Variants in POLA2 observed in about 807,000 individuals in gnomAD.
POLA2 encodes DNA polymerase alpha subunit B.
A neutral mutation model predicts 82.8 loss-of-function variants in POLA2; 47 were observed. The ratio of observed to expected loss-of-function variants is 0.57; its 90% CI spans 0.45 to 0.72. POLA2 has a LOEUF of 0.72. POLA2 is among the 30% of genes least tolerant of loss of function. The pLI, the probability that POLA2 is intolerant of heterozygous loss-of-function variation, is 0.00. For synonymous variants in POLA2, 287 were observed against 286.8 expected (o/e 1.00, Z -0.01); for missense variants, 634 against 728.1 (o/e 0.87, Z 1.49).
At chr11:65,273,682 C>G (rs1200174654) in intron 4 of POLA2, among the ~76,000 whole-genome samples, 1 of 151,514 alleles carries the variant, frequency 6.6e-6, no homozygotes, top group Non-Finnish European at 1.5e-5. Context: ...AAAATAAAGG[C>G]AGGGTGTCAC....
chr11:65,278,779 G>C lies in POLA2; in HGVS notation c.511G>C (p.Val171Leu), dbSNP rs759859941. Residue 171 changes from valine (V) to leucine (L), a missense_variant, in exon 6 of 18, where the codon GTT becomes CTT. Transcript: ENST00000265465. ...CTCACGAAGTAACCGAGGAGAAGTG[G>C]TTACCTCCTTCGGCTTAGCACAGGG... Reference protein sequence around the residue: ...YNSRSNRGEVVTSFGLAQGVS... With the variant: ...YNSRSNRGEVLTSFGLAQGVS... 2 of 1,613,862 alleles carry C rather than the reference G, an allele frequency of 1.2e-6. No individual in the cohort carries two copies. Among genetic ancestry groups the C allele is most frequent in the South Asian group, 2.2e-5 (2 of 91,068 alleles).
intron 10 of POLA2, among the ~76,000 whole-genome samples, chr11:65,286,352 C>G (rs1949697157): frequency 6.6e-6 from 1 of 152,052 alleles, no homozygotes; most frequent in Admixed American, 6.6e-5. Context: ...CCCACACCTT[C>G]AGTTTAGGAT....
At chr11:65,288,515 T>TTG (rs1555022322) in intron 11 of POLA2, among the ~76,000 whole-genome samples, 1 of 145,508 alleles carries the variant, frequency 6.9e-6, no homozygotes, top group Non-Finnish European at 1.5e-5. Flanking sequence ...GTTTTTTGTT[T>TTG]TTTTTTTTTT....
At chr11:65,284,532 C>CT (rs557117870) in intron 10 of POLA2, among the ~76,000 whole-genome samples, 5,860 of 134,188 alleles carry the variant, frequency 0.044, 120 homozygotes, top group Middle Eastern at 0.057. Flanking sequence ...TTTTTTTTTT[C>CT]TTTTTTTTTT....
intron 2 of POLA2, among the ~76,000 whole-genome samples, chr11:65,266,926 G>A (rs997872044): frequency 7.2e-5 from 11 of 152,152 alleles, no homozygotes; most frequent in African/African-American, 1.4e-4. Context: ...AATTAAATGG[G>A]GCTGGGCGCC....
At chr11:65,289,719 TG>T in intron 12 of POLA2, 79 bp from the exon 13 acceptor site, 1 of 879,334 alleles carries the variant, frequency 1.1e-6, no homozygotes, top group Non-Finnish European at 1.9e-6. Flanking sequence ...CTGACTTCTA[TG>T]GGTCACCTAA....
At chr11:65,278,417 A>C (rs530784452) in intron 5 of POLA2, among the ~76,000 whole-genome samples, 4 of 152,354 alleles carry the variant, frequency 2.6e-5, no homozygotes, top group African/African-American at 9.6e-5. Context: ...CCTTTTAATC[A>C]ATTCAGAATC....
chr11:65,274,373 GA>G (rs997829122), intron 4 of POLA2, among the ~76,000 whole-genome samples: 114 of 141,490 alleles, frequency 8.1e-4, no homozygotes, highest in Middle Eastern at 7.4e-3. Flanking sequence ...TTCCGTCTCG[GA>G]AAAAAAAAAA....
chr11:65,262,496 C>A, intron 1 of POLA2, 125 bp downstream of exon 1: 2 of 705,098 alleles, frequency 2.8e-6, no homozygotes, highest in Non-Finnish European at 4.6e-6. Context: ...TTCTCGGTGG[C>A]TGTGAGATGA....
downstream of POLA2, among the ~76,000 whole-genome samples, chr11:65,301,784 T>G (rs1037975749): frequency 2.0e-5 from 3 of 152,170 alleles, no homozygotes; most frequent in African/African-American, 7.2e-5. Context: ...CACCCATGGT[T>G]GTTCATGGCA....
chr11:65,282,717 G>A (rs950466567), intron 10 of POLA2, among the ~76,000 whole-genome samples, 196 bp downstream of exon 10: 2 of 152,186 alleles, frequency 1.3e-5, no homozygotes, highest in Non-Finnish European at 2.9e-5. Flanking sequence ...AGCGTTGGTC[G>A]TGCTGTCGCC....
intron 13 of POLA2, among the ~76,000 whole-genome samples, chr11:65,291,423 G>A (rs189047700): frequency 1.3e-5 from 2 of 152,276 alleles, no homozygotes; most frequent in African/African-American, 4.8e-5. Context: ...TCAGAGACTT[G>A]GGTTGTGCCA....
At chr11:65,274,354 G>A (rs563624050) in intron 4 of POLA2, among the ~76,000 whole-genome samples, 17 of 149,382 alleles carry the variant, frequency 1.1e-4, no homozygotes, top group South Asian at 2.1e-4. Flanking sequence ...CAACAAGAGC[G>A]AAGTGAAATT....
rs962536424 is a variant in POLA2, at chr11:65,262,163, C to T, written c.-130C>T. On this transcript the variant is annotated 5_prime_UTR_variant, in exon 1 of 18. Coordinates refer to ENST00000265465, the MANE Select transcript of POLA2 (RefSeq NM_002689.4). ...CTGAGGTCTTGCTTGGGCCAGTCACCTCCTGTCACGGTCCGCGGAGGGGGG... is the reference window on the plus strand; with the variant it reads ...CTGAGGTCTTGCTTGGGCCAGTCACTTCCTGTCACGGTCCGCGGAGGGGGG... 6 of 700,236 alleles carry T rather than the reference C, an allele frequency of 8.6e-6. No individual in the cohort carries two copies. Among genetic ancestry groups the T allele is most frequent in the Non-Finnish European group, 1.0e-5 (4 of 395,214 alleles). 43.4% of individuals were successfully genotyped at this position (700,236 alleles called of 1,614,324 possible).
At chr11:65,295,478 T>G in intron 15 of POLA2, 62 bp from the exon 16 acceptor site, 1 of 1,368,138 alleles carries the variant, frequency 7.3e-7, no homozygotes, top group Non-Finnish European at 1.0e-6. Flanking sequence ...TCTCCAGTCC[T>G]CCCTGAAGAG....
chr11:65,271,665 G>C (rs1949522393), intron 4 of POLA2, among the ~76,000 whole-genome samples: 1 of 151,764 alleles, frequency 6.6e-6, no homozygotes, highest in Non-Finnish European at 1.5e-5. Context: ...TTCGAGACCA[G>C]CGAAACTCCA....
rs187980485 is a variant in POLA2, at chr11:65,276,779, C to T, written c.461+781C>T. ...AGATGAACCAGAGCTTAAGATTGTT[C>T]AACTCTATCACTTTTTTTTTTTTTT... On this transcript the variant is annotated intron_variant, in intron 5 of 17. Transcript: ENST00000265465. Among the ~76,000 whole-genome samples the T allele has an allele frequency of 5.3e-3, 789 of 150,202 alleles. 3 individuals carry two copies. The highest frequency in any genetic ancestry group is 0.014 in the Middle Eastern group (4 of 290).
intron 4 of POLA2, among the ~76,000 whole-genome samples, chr11:65,274,627 C>T (rs1949557579): frequency 6.6e-6 from 1 of 151,560 alleles, no homozygotes; most frequent in Admixed American, 6.6e-5. Flanking sequence ...TTGTAGTGAG[C>T]CGAGATCTTG....
chr11:65,294,253 G>A lies in POLA2; in HGVS notation c.1345G>A (p.Asp449Asn). 2 of 1,613,486 alleles carry A rather than the reference G, an allele frequency of 1.2e-6. No individual in the cohort carries two copies. The highest frequency in any genetic ancestry group is 2.2e-5 in the East Asian group (1 of 44,876). Residue 449 changes from aspartate to asparagine, a missense_variant, in exon 14 of 18, where the codon GAC becomes AAC. Coordinates refer to ENST00000265465, the MANE Select transcript of POLA2 (RefSeq NM_002689.4). The stretch of plus-strand genomic sequence containing the variant: ...CAGCTACTCCGATCTGTCTCGAGAG[G>A]ACAAAAAGGTAGCAGCACCCACTCC... Reference protein sequence around the residue: ...PFSYSDLSREDKKQVQFVSEP... With the variant: ...PFSYSDLSRENKKQVQFVSEP...
Sources: gnomAD v4.1 joint callset for allele counts (sites outside exome capture counted in the v4.1 genomes callset) on GRCh38, gnomAD v4.1.1 for gene constraint, MANE v1.5 for transcripts, NCBI Gene and HGNC (gene_info 2026-07-23, HGNC 2026-07-21) for gene names.